TTC23: variants seen among roughly 807,000 people sequenced by gnomAD.
TTC23 encodes tetratricopeptide repeat protein 23.
TTC23 carries 58 observed loss-of-function variants against 55.1 expected under a neutral mutation model. The ratio of observed to expected loss-of-function variants is 1.05; its 90% CI spans 0.85 to 1.31. The LOEUF (loss-of-function observed/expected upper bound fraction) is 1.31, where lower values mean the gene tolerates loss of function less well. TTC23 is among the 50% of genes most tolerant of loss of function. The pLI is 0.00. For synonymous variants in TTC23, 203 were observed against 199.9 expected, an observed-to-expected ratio of 1.02 and a Z score of -0.13; for missense variants, 516 against 534.4, an observed-to-expected ratio of 0.97 and a Z score of 0.34.
intron 11 of TTC23, 52 bp from the exon 12 acceptor site, chr15:99,156,349 G>A (rs1388386731): frequency 6.3e-7 from 1 of 1,596,774 alleles, no homozygotes; most frequent in South Asian, 1.1e-5. Context: ...GGCTGATTAG[G>A]ATCATTACGC....
chr15:99,177,272 G>T (rs1567403188), intron 9 of TTC23, among the ~76,000 whole-genome samples: 1 of 152,156 alleles, frequency 6.6e-6, no homozygotes, highest in Non-Finnish European at 1.5e-5. Flanking sequence ...ATTCATAAGT[G>T]CCAACAATAT....
At chr15:99,197,104 CTTTT>C (rs71456913) in intron 9 of TTC23, among the ~76,000 whole-genome samples, 2 of 142,268 alleles carry the variant, frequency 1.4e-5, no homozygotes, top group Admixed American at 7.0e-5. Flanking sequence ...GGTTTCTGTT[CTTTT>C]TTTTTTTTTT....
chr15:99,156,310 C>G lies in TTC23; in HGVS notation c.994-13G>C. 2 of 1,611,060 alleles carry G rather than the reference C, an allele frequency of 1.2e-6. No homozygotes were observed. The highest frequency in any genetic ancestry group is 8.5e-7 in the Non-Finnish European group (1 of 1,178,648). ...TCGAGGTTGCTCTCTGTGAAAGGAA[C>G]AAAAAGCTATCTGGTTAACAAGCTC... On this transcript the variant is annotated splice_polypyrimidine_tract_variant and intron_variant, in intron 11 of 13. Transcript: ENST00000394132.
At chr15:99,214,026 A>C (rs1421088298) in intron 8 of TTC23, among the ~76,000 whole-genome samples, 1 of 152,240 alleles carries the variant, frequency 6.6e-6, no homozygotes, top group Non-Finnish European at 1.5e-5. Flanking sequence ...ATGAGAGAGC[A>C]TATCAGAGAA....
At chr15:99,210,990 G>A (rs1337297305) in intron 8 of TTC23, among the ~76,000 whole-genome samples, 2 of 152,020 alleles carry the variant, frequency 1.3e-5, no homozygotes, top group Admixed American at 6.6e-5. Context: ...TTTCCTTTTG[G>A]AAAACTTGTG....
At chr15:99,198,779 A>C (rs1397336749) in intron 9 of TTC23, among the ~76,000 whole-genome samples, 3 of 152,246 alleles carry the variant, frequency 2.0e-5, no homozygotes, top group African/African-American at 7.2e-5. Context: ...TGTGAGTAGG[A>C]GTATAAATTG....
chr15:99,147,744 GGTTA>G (rs1180334129), intron 12 of TTC23, among the ~76,000 whole-genome samples: 9 of 149,970 alleles, frequency 6.0e-5, no homozygotes, highest in African/African-American at 2.0e-4. Context: ...TCCAACAATG[GGTTA>G]GTCAAAGATG....
intron 8 of TTC23, among the ~76,000 whole-genome samples, chr15:99,202,005 T>G (rs2034645): frequency 6.6e-6 from 1 of 151,960 alleles, no homozygotes; most frequent in Admixed American, 6.6e-5. Flanking sequence ...AAATCTGCTG[T>G]TTTTGTAAAT....
chr15:99,183,703 T>A (rs2074390221), intron 9 of TTC23, among the ~76,000 whole-genome samples: 1 of 151,886 alleles, frequency 6.6e-6, no homozygotes, highest in Non-Finnish European at 1.5e-5. Flanking sequence ...GTTTGGAAAA[T>A]TTGTAGCCTG....
At chr15:99,231,752 A>C (rs2078953601) in intron 4 of TTC23, among the ~76,000 whole-genome samples, 1 of 151,470 alleles carries the variant, frequency 6.6e-6, no homozygotes, top group Admixed American at 6.6e-5. Context: ...TCTGCCTCCC[A>C]AAGTGCTGGG....
Position 99,234,805 on chromosome 15 carries a change from T to A in TTC23, c.-21+183A>T, listed in dbSNP as rs1400046625. Among the ~76,000 whole-genome samples the A allele has an allele frequency of 2.0e-5, 3 of 152,162 alleles. No homozygotes were observed. In the East Asian group the frequency reaches 5.8e-4, roughly 29 times the overall value. On this transcript the variant is annotated intron_variant, in intron 4 of 13. Coordinates refer to ENST00000394132, the MANE Select transcript of TTC23 (RefSeq NM_001288615.3). ...TAAAACCACAATGAGACGTCACTCATCAATTAGAATGACTAAGATTAAAAA... is the reference window on the plus strand; with the variant it reads ...TAAAACCACAATGAGACGTCACTCAACAATTAGAATGACTAAGATTAAAAA...
chr15:99,139,759 A>G, intron 12 of TTC23: 1 of 1,312,156 alleles, frequency 7.6e-7, no homozygotes, highest in Non-Finnish European at 1.0e-6. Flanking sequence ...AAAAGATTTA[A>G]AAAAATAGTT....
intron 12 of TTC23, among the ~76,000 whole-genome samples, chr15:99,152,417 C>G (rs538959918): frequency 6.6e-6 from 1 of 152,188 alleles, no homozygotes; most frequent in East Asian, 1.9e-4. Context: ...TGCTCTGTGC[C>G]CCAGGCTGGA....
intron 9 of TTC23, among the ~76,000 whole-genome samples, chr15:99,175,638 A>G (rs190465676): frequency 1.3e-5 from 2 of 152,288 alleles, no homozygotes; most frequent in African/African-American, 2.4e-5. Flanking sequence ...ACCCTCTACA[A>G]ACTTGCTCAG....
At chr15:99,241,114 C>G (rs138621979) in intron 3 of TTC23, among the ~76,000 whole-genome samples, 1 of 152,082 alleles carries the variant, frequency 6.6e-6, no homozygotes. Flanking sequence ...GTCGGGAGTT[C>G]GAGGCCAGCC....
chr15:99,170,121 G>C (rs1467116292), intron 10 of TTC23, among the ~76,000 whole-genome samples: 2 of 152,174 alleles, frequency 1.3e-5, no homozygotes, highest in Non-Finnish European at 2.9e-5. Context: ...GCTCCTCTGG[G>C]AAGCTGGCCA....
In TTC23 at chr15:99,220,093, C is replaced by A. The variant is rs563330865; in HGVS notation, c.305-1045G>T. Among the ~76,000 whole-genome samples the A allele has an allele frequency of 1.1e-3, 174 of 152,252 alleles. 4 individuals are homozygous for A. The South Asian group carries it at 0.013, about 11-fold the overall frequency. On this transcript the variant is annotated intron_variant, in intron 6 of 13. Transcript: ENST00000394132. Reference sequence around the variant, plus strand: ...AACTGTGTCGAGTCCCTGAAGGAACCTGAACTCAATTTACTGGAGGCAGCA... The same window carrying A: ...AACTGTGTCGAGTCCCTGAAGGAACATGAACTCAATTTACTGGAGGCAGCA...
chr15:99,237,568 T>C (rs1013718636), intron 3 of TTC23, among the ~76,000 whole-genome samples: 1 of 152,180 alleles, frequency 6.6e-6, no homozygotes, highest in African/African-American at 2.4e-5. Context: ...TCCATTTATA[T>C]AAATTTCAAT....
At chr15:99,226,087 A>G (rs895234136) in intron 5 of TTC23, among the ~76,000 whole-genome samples, 11 of 152,372 alleles carry the variant, frequency 7.2e-5, no homozygotes, top group African/African-American at 2.6e-4. Flanking sequence ...AGATCATGAA[A>G]AACAAAGTAG....
Sources: gnomAD v4.1 joint callset for allele counts (sites outside exome capture counted in the v4.1 genomes callset) on GRCh38, gnomAD v4.1.1 for gene constraint, MANE v1.5 for transcripts, NCBI Gene and HGNC (gene_info 2026-07-23, HGNC 2026-07-21) for gene names.